CACNA1D: variants seen among roughly 807,000 people sequenced by gnomAD.
CACNA1D encodes calcium voltage-gated channel subunit alpha1 D.
A neutral mutation model predicts 257.1 loss-of-function variants in CACNA1D; 55 were observed. That is an observed-to-expected ratio of 0.21 (90% CI 0.17 to 0.27). The LOEUF (loss-of-function observed/expected upper bound fraction) is 0.27. CACNA1D is among the 10% of genes least tolerant of loss of function. CACNA1D has a pLI of 1.00. For synonymous variants in CACNA1D, 980 were observed against 1,014.9 expected (o/e 0.97, Z 0.65); for missense variants, 1,876 against 2,784.0 (o/e 0.67, Z 7.34).
intron 29 of CACNA1D, among the ~76,000 whole-genome samples, chr3:53,757,528 T>C (rs946878968): frequency 6.6e-6 from 1 of 152,242 alleles, no homozygotes; most frequent in African/African-American, 2.4e-5. Context: ...TCAGCCCTTC[T>C]ACCTACTCCC....
At chr3:53,764,741 C>G (rs988648070) in intron 30 of CACNA1D, among the ~76,000 whole-genome samples, 2 of 152,218 alleles carry the variant, frequency 1.3e-5, no homozygotes, top group African/African-American at 4.8e-5. Flanking sequence ...TCACCTTGCA[C>G]CAGTCAGGAA....
chr3:53,571,596 T>C (rs2092945097), intron 3 of CACNA1D, among the ~76,000 whole-genome samples: 1 of 152,080 alleles, frequency 6.6e-6, no homozygotes, highest in Admixed American at 6.6e-5. Flanking sequence ...GAGGCTGGGA[T>C]AGAGGTGGGG....
rs1335315818 is a variant in CACNA1D at position 53,545,041 on chromosome 3, G to A, written c.483+43321G>A. 2.0e-5 allele frequency among the ~76,000 whole-genome samples: 3 copies of A among 152,190 alleles called. No homozygotes were observed. In the South Asian group the frequency reaches 6.2e-4, roughly 32 times the overall value. ...GGAGGAAAGATGGATATTAAGGTTG[G>A]AGAACTATGGATCCTTCCCATTGTA... On this transcript the variant is annotated intron_variant, in intron 3 of 47. Coordinates refer to ENST00000350061, the MANE Select transcript of CACNA1D (RefSeq NM_001128840.3).
chr3:53,694,955 TA>T, intron 8 of CACNA1D, among the ~76,000 whole-genome samples: 1 of 152,188 alleles, frequency 6.6e-6, no homozygotes, highest in Non-Finnish European at 1.5e-5. Flanking sequence ...CTATTCCATC[TA>T]AAGGTCTTTT....
chr3:53,753,006 T>C (rs1413475829), intron 28 of CACNA1D, among the ~76,000 whole-genome samples: 1 of 152,256 alleles, frequency 6.6e-6, no homozygotes, highest in Non-Finnish European at 1.5e-5. Context: ...AGCCAGCTTT[T>C]GCACTGACTT....
intron 3 of CACNA1D, among the ~76,000 whole-genome samples, chr3:53,531,616 T>G (rs1174926596): frequency 6.6e-6 from 1 of 152,210 alleles, no homozygotes; most frequent in Non-Finnish European, 1.5e-5. Context: ...ACTTCCAGAC[T>G]GTCTGGTAAG....
Position 53,793,054 on chromosome 3 carries a change from C to A in CACNA1D, c.4923+6102C>A, listed in dbSNP as rs574590528. The stretch of plus-strand genomic sequence containing the variant: ...GAAAGCCAGGAACACTCCAGTGTGG[C>A]CAGGCCACTTGTCAAGATGTTGAAG... On this transcript the variant is annotated intron_variant, in intron 40 of 47. Transcript: ENST00000350061. This position sits in a 1 kb window ranked among gnomAD's most constrained non-coding sequence, Gnocchi z 4.1. Among the ~76,000 whole-genome samples, 1 of 152,292 alleles carries A rather than the reference C, an allele frequency of 6.6e-6. No homozygotes were observed. Among genetic ancestry groups the A allele is most frequent in the South Asian group, 2.1e-4 (1 of 4,832 alleles).
chr3:53,549,314 T>C (rs1477070958), intron 3 of CACNA1D, among the ~76,000 whole-genome samples: 2 of 152,228 alleles, frequency 1.3e-5, no homozygotes, highest in Non-Finnish European at 2.9e-5. Flanking sequence ...ATGTTGCTTT[T>C]GTCAAATGGG....
At chr3:53,682,232 A>G (rs748423543) in intron 8 of CACNA1D, among the ~76,000 whole-genome samples, 30 of 151,968 alleles carry the variant, frequency 2.0e-4, no homozygotes, top group Non-Finnish European at 3.8e-4. Flanking sequence ...GATAGGTGAT[A>G]AAGAAAATGT....
chr3:53,587,423 AGGGTCT>A, intron 3 of CACNA1D, among the ~76,000 whole-genome samples: 1 of 152,274 alleles, frequency 6.6e-6, no homozygotes, highest in African/African-American at 2.4e-5. Flanking sequence ...TTTACATTAC[AGGGTCT>A]TCTCTGGGAC....
chr3:53,505,093 G>C (rs1002368049), intron 3 of CACNA1D, among the ~76,000 whole-genome samples: 2 of 150,884 alleles, frequency 1.3e-5, no homozygotes, highest in Non-Finnish European at 2.9e-5. Flanking sequence ...TGATGTACCA[G>C]GTGCTTTTTA....
At chr3:53,628,434 C>T (rs779564957) in intron 3 of CACNA1D, among the ~76,000 whole-genome samples, 1 of 152,192 alleles carries the variant, frequency 6.6e-6, no homozygotes, top group Admixed American at 6.5e-5. Flanking sequence ...TTATAGTACT[C>T]CCTAACCCAA....
At chr3:53,730,700 G>C (rs763975242) in intron 16 of CACNA1D, 144 bp downstream of exon 16, 1 of 711,506 alleles carries the variant, frequency 1.4e-6, no homozygotes, top group Non-Finnish European at 2.6e-6. Flanking sequence ...ACCATGCACT[G>C]CAGACCAAAA....
At chr3:53,686,637 ACT>A (rs1398825741) in intron 8 of CACNA1D, among the ~76,000 whole-genome samples, 1 of 151,994 alleles carries the variant, frequency 6.6e-6, no homozygotes, top group Non-Finnish European at 1.5e-5. Flanking sequence ...ATTTCTAATA[ACT>A]CTCAGCAAAC....
chr3:53,645,465 CTT>C (rs984670043), intron 3 of CACNA1D, among the ~76,000 whole-genome samples: 4 of 152,110 alleles, frequency 2.6e-5, no homozygotes, highest in Non-Finnish European at 4.4e-5. Flanking sequence ...ATGTTTAAGT[CTT>C]TGATCCATTT....
chr3:53,711,302 C>T (rs1340469790), intron 9 of CACNA1D, among the ~76,000 whole-genome samples: 1 of 152,148 alleles, frequency 6.6e-6, no homozygotes, highest in African/African-American at 2.4e-5. Context: ...TTTGGGGGCA[C>T]TTGCCTTTGA....
chr3:53,671,840 G>A (rs2094326371), intron 7 of CACNA1D, among the ~76,000 whole-genome samples: 1 of 152,166 alleles, frequency 6.6e-6, no homozygotes, highest in Non-Finnish European at 1.5e-5. Flanking sequence ...TCATATGCAG[G>A]AAAGCACATG....
At chr3:53,635,472 A>C (rs1313703617) in intron 3 of CACNA1D, among the ~76,000 whole-genome samples, 2 of 152,190 alleles carry the variant, frequency 1.3e-5, no homozygotes, top group Non-Finnish European at 2.9e-5. Flanking sequence ...GGGGGGGATC[A>C]GGGAAGATGG....
rs116906194 is a variant in CACNA1D at position 53,642,946 on chromosome 3, C to T, written c.484-7833C>T. ...CCATTGTGAGGTGCTTTATAGTTTGCACAGCTCTATCCAACTTGTTACTTA... is the reference window on the plus strand; with the variant it reads ...CCATTGTGAGGTGCTTTATAGTTTGTACAGCTCTATCCAACTTGTTACTTA... On this transcript the variant is annotated intron_variant, in intron 3 of 47. Coordinates refer to ENST00000350061, the MANE Select transcript of CACNA1D (RefSeq NM_001128840.3). 6.6e-5 allele frequency among the ~76,000 whole-genome samples: 10 copies of T among 152,326 alleles called. No homozygotes were observed. The East Asian group carries it at 1.9e-3, about 29-fold the overall frequency.
Sources: allele counts gnomAD v4.1 joint callset (sites outside exome capture counted in the v4.1 genomes callset), GRCh38; gene constraint gnomAD v4.1.1; non-coding constraint Gnocchi (gnomAD v3.1); transcripts MANE v1.5; gene names NCBI Gene and HGNC (gene_info 2026-07-23, HGNC 2026-07-21).